The following USP54 variants were observed in gnomAD, a reference collection of about 807,000 sequenced individuals.
The protein encoded by USP54 is ubiquitin specific peptidase 54, also known as ubiquitin carboxyl-terminal hydrolase 54.
In USP54, 87 loss-of-function variants were observed where a neutral mutation model predicts 170.5. The ratio of observed to expected loss-of-function variants is 0.51; its 90% CI spans 0.43 to 0.61. The LOEUF is 0.61. Ranked by LOEUF, USP54 falls within the 20% of genes least tolerant of loss-of-function variation. The probability of loss-of-function intolerance (pLI) is 0.00; values close to 1 mark genes in which losing one functional copy is unlikely to be tolerated. For synonymous variants in USP54, 655 were observed against 742.8 expected, an observed-to-expected ratio of 0.88 and a Z score of 1.92; for missense variants, 1,786 against 2,047.8, an observed-to-expected ratio of 0.87 and a Z score of 2.47.
intron 4 of USP54, among the ~76,000 whole-genome samples, chr10:73,563,313 C>T (rs927814221): frequency 1.2e-4 from 18 of 152,018 alleles, no homozygotes; most frequent in African/African-American, 3.9e-4. Flanking sequence ...GCTCAATTTA[C>T]ATTTCTTAGA....
chr10:73,596,826 C>T (rs1209380948), intron 1 of USP54, among the ~76,000 whole-genome samples: 1 of 151,192 alleles, frequency 6.6e-6, no homozygotes, highest in East Asian at 1.9e-4. Context: ...GTGATACTGG[C>T]AATTTAACAG....
chr10:73,572,595 C>T (rs1477461610), intron 3 of USP54, among the ~76,000 whole-genome samples: 2 of 152,116 alleles, frequency 1.3e-5, no homozygotes, highest in Admixed American at 6.5e-5. Context: ...GTAAATAACA[C>T]CTTTTTATAA....
chr10:73,613,295 C>A (rs890381750), intron 1 of USP54, among the ~76,000 whole-genome samples: 2 of 151,638 alleles, frequency 1.3e-5, no homozygotes, highest in African/African-American at 4.8e-5. Flanking sequence ...CCATGCCCAG[C>A]TAATTTTTGT....
chr10:73,498,633 C>A lies in USP54; in HGVS notation c.5051G>T (p.Trp1684Leu), dbSNP rs2057413374. 1 of 1,530,596 alleles carries A rather than the reference C, an allele frequency of 6.5e-7. No individual in the cohort carries two copies. The highest frequency in any genetic ancestry group is 1.3e-5 in the South Asian group (1 of 77,544). 94.8% of individuals were successfully genotyped at this position (1,530,596 alleles called of 1,614,324 possible). The change falls in exon 24 of 24, where the codon TGG (tryptophan) becomes TTG (leucine). Residue 1684 changes from tryptophan to leucine, a missense_variant. By Grantham distance (61) the Trp-to-Leu change is moderately conservative. Around this residue, in one of 3 missense-constraint regions of USP54, gnomAD observed 1,418 missense variants for 1,569.0 expected, o/e 0.90. Coordinates refer to ENST00000687698, the MANE Select transcript of USP54 (RefSeq NM_001391956.1). ...AGGAAAGGAAAGGAATAACCTTTAC[C>A]ATTGACTGTGCTGCAGGACTCTAGC... ...IRARVLQHSQ[W>L]
At chr10:73,539,344 G>T in intron 10 of USP54, 100 bp downstream of exon 10, 2 of 821,704 alleles carry the variant, frequency 2.4e-6, no homozygotes, top group Non-Finnish European at 3.4e-6. Flanking sequence ...AATGTGGGGA[G>T]GTCCCATTCA....
chr10:73,570,549 T>C (rs1187951811), intron 4 of USP54, among the ~76,000 whole-genome samples: 2 of 149,456 alleles, frequency 1.3e-5, no homozygotes, highest in Non-Finnish European at 3.0e-5. Flanking sequence ...TTTTCCTTTT[T>C]CTTTTTTTTT....
intron 4 of USP54, among the ~76,000 whole-genome samples, chr10:73,561,958 G>A (rs577645216): frequency 6.6e-6 from 1 of 152,240 alleles, no homozygotes; most frequent in South Asian, 2.1e-4. Context: ...TCTGTTAGCT[G>A]GGCGTGGTGG....
chr10:73,542,707 G>A (rs2066890729), intron 7 of USP54, 96 bp downstream of exon 7: 11 of 1,267,666 alleles, frequency 8.7e-6, no homozygotes, highest in Admixed American at 2.0e-5. Flanking sequence ...CTGCAGCCTG[G>A]GCAACAGAGC....
rs568900696 is a variant in USP54, at chr10:73,526,499, G to A, written c.2194+148C>T. On this transcript the variant is annotated intron_variant, in intron 16 of 23. Transcript: ENST00000687698. Reference sequence around the variant, plus strand: ...TGAGCTCAGGCAATCTGCCTGCCTCGGCCTCCCAAAGTGCTGGGATTACAG... The same window carrying A: ...TGAGCTCAGGCAATCTGCCTGCCTCAGCCTCCCAAAGTGCTGGGATTACAG... 129 of 1,103,972 alleles carry A rather than the reference G, an allele frequency of 1.2e-4. 1 individual carries two copies. Among genetic ancestry groups the A allele is most frequent in the Non-Finnish European group, 1.5e-4 (121 of 797,868 alleles). The allele number at this position is 1,103,972 out of a possible 1,614,324, so 68.4% of individuals were successfully genotyped here.
At chr10:73,517,983 C>G (rs2061318590) in intron 19 of USP54, among the ~76,000 whole-genome samples, 1 of 152,168 alleles carries the variant, frequency 6.6e-6, no homozygotes, top group Non-Finnish European at 1.5e-5. Context: ...ACACCCTCAC[C>G]AAAGTTGCAC....
chr10:73,519,491 C>T (rs1022418968), intron 19 of USP54: 4 of 338,986 alleles, frequency 1.2e-5, no homozygotes, highest in African/African-American at 8.4e-5. Context: ...ATTGCCATGT[C>T]TAAGAACATA....
intron 20 of USP54, among the ~76,000 whole-genome samples, chr10:73,512,738 ATTTG>A (rs2060412347): frequency 6.6e-6 from 1 of 152,202 alleles, no homozygotes; most frequent in South Asian, 2.1e-4. Context: ...ATTTTTAAAA[ATTTG>A]TTTCTTTACA....
chr10:73,525,704 A>G (rs1459840530), intron 16 of USP54, among the ~76,000 whole-genome samples: 2 of 152,254 alleles, frequency 1.3e-5, no homozygotes, highest in East Asian at 1.9e-4. Flanking sequence ...GTCTCTAACT[A>G]TAACTTACTA....
intron 1 of USP54, among the ~76,000 whole-genome samples, chr10:73,607,549 G>A (rs964049984): frequency 2.6e-4 from 39 of 152,130 alleles, no homozygotes; most frequent in Middle Eastern, 6.8e-3. Flanking sequence ...CTAAGAAGTA[G>A]GCCGGGTACG....
At position 73,542,905 on chromosome 10, in the gene USP54, G is replaced by A; in HGVS notation, c.490-20C>T. 6.2e-7 allele frequency: 1 copy of A among 1,613,860 alleles called. No individual in the cohort carries two copies. The highest frequency in any genetic ancestry group is 8.5e-7 in the Non-Finnish European group (1 of 1,179,874). ...TACACACTGGGCAAAAGAGAAAAAG[G>A]CAAAACCAAGCAACCATAATCAGGA... is the stretch of plus-strand genomic sequence containing the variant. On this transcript the variant is annotated intron_variant, in intron 6 of 23. Coordinates refer to ENST00000687698, the MANE Select transcript of USP54 (RefSeq NM_001391956.1).
chr10:73,582,214 CAG>C lies in USP54; in HGVS notation c.-581-5855_-581-5854del, dbSNP rs531041746. Among the ~76,000 whole-genome samples the C allele has an allele frequency of 2.3e-3, 354 of 152,162 alleles. 2 individuals carry two copies. Among genetic ancestry groups the C allele is most frequent in the Non-Finnish European group, 3.9e-3 (264 of 68,008 alleles). On this transcript the variant is annotated intron_variant, in intron 1 of 23. Transcript: ENST00000687698. The stretch of plus-strand genomic sequence containing the variant: ...AGGAGGAGCCTGGCGCCCTAAGAGA[CAG>C]AGGGGTAAATGAGGCCCAGAGAGCT...
intron 1 of USP54, among the ~76,000 whole-genome samples, chr10:73,585,467 C>A (rs993775220): frequency 9.2e-5 from 14 of 152,080 alleles, no homozygotes; most frequent in African/African-American, 3.4e-4. Context: ...TGTCACATGG[C>A]GAGAGAGACA....
Position 73,519,971 on chromosome 10 carries a change from T to C in USP54, c.2504A>G (p.His835Arg), listed in dbSNP as rs1309445928. The C allele has an allele frequency of 2.5e-6, 4 of 1,610,742 alleles. No individual in the cohort carries two copies. In the African/African-American group the frequency reaches 4.0e-5, roughly 16 times the overall value. ...EAISKLRLALHGASCSTHSRA... is the reference protein window; with the variant it reads ...EAISKLRLALRGASCSTHSRA... ...GCTGTGCGTGCTACAGCTGGCACCA[T>C]GCAGGGCAAGTCTTAGTTTAGCTAA... Residue 835 changes from histidine to arginine, a missense_variant, in exon 19 of 24, where the codon CAT becomes CGT. By Grantham distance (29) the His-to-Arg change is conservative (BLOSUM62 0). Coordinates refer to ENST00000687698, the MANE Select transcript of USP54 (RefSeq NM_001391956.1).
chr10:73,503,106 A>G (rs986223225), intron 22 of USP54, among the ~76,000 whole-genome samples: 1 of 152,106 alleles, frequency 6.6e-6, no homozygotes, highest in Non-Finnish European at 1.5e-5. Flanking sequence ...TATTCTTTGT[A>G]TCCTCTCTTG....
Sources: allele counts gnomAD v4.1 joint callset (sites outside exome capture counted in the v4.1 genomes callset), GRCh38; gene constraint gnomAD v4.1.1; regional missense constraint gnomAD v4.1.1; transcripts MANE v1.5; gene names NCBI Gene and HGNC (gene_info 2026-07-23, HGNC 2026-07-21).